KIF16B: variants seen among roughly 807,000 people sequenced by gnomAD.
KIF16B encodes kinesin-like protein KIF16B.
KIF16B carries 98 observed loss-of-function variants against 156.3 expected under a neutral mutation model. That is an observed-to-expected ratio of 0.63 (90% CI 0.53 to 0.74). The LOEUF (loss-of-function observed/expected upper bound fraction) is 0.74, where lower values mean the gene tolerates loss of function less well. KIF16B is among the 30% of genes least tolerant of loss of function. KIF16B has a pLI of 0.00. For missense variants in KIF16B, 1,421 were observed against 1,606.5 expected, an observed-to-expected ratio of 0.88 and a Z score of 1.97; for synonymous variants, 564 against 583.7, an observed-to-expected ratio of 0.97 and a Z score of 0.49.
At chr20:16,495,751 G>A (rs577238297) in intron 11 of KIF16B, among the ~76,000 whole-genome samples, 29 of 152,168 alleles carry the variant, frequency 1.9e-4, no homozygotes, top group Non-Finnish European at 2.8e-4. Context: ...GTGCGGTGGC[G>A]TAATCACGGC....
At chr20:16,486,838 C>T (rs1284737385) in intron 12 of KIF16B, among the ~76,000 whole-genome samples, 1 of 152,102 alleles carries the variant, frequency 6.6e-6, no homozygotes, top group Non-Finnish European at 1.5e-5. Context: ...AGCTGGTAAC[C>T]CATGGCTGAA....
At chr20:16,318,502 T>A (rs1452936350) in intron 24 of KIF16B, among the ~76,000 whole-genome samples, 5 of 152,134 alleles carry the variant, frequency 3.3e-5, no homozygotes, top group Non-Finnish European at 7.3e-5. Context: ...TGAAGCAACC[T>A]ATGGCGCCAG....
In KIF16B at chr20:16,565,748, A is replaced by G. The variant is rs918756696; in HGVS notation, c.47+7481T>C. 2.0e-5 allele frequency among the ~76,000 whole-genome samples: 3 copies of G among 152,088 alleles called. No individual in the cohort carries two copies. The East Asian group carries it at 5.8e-4, about 29-fold the overall frequency. On this transcript the variant is annotated intron_variant, in intron 1 of 25. Coordinates refer to ENST00000354981, the MANE Select transcript of KIF16B (RefSeq NM_024704.5). Reference sequence around the variant, plus strand: ...TCTACTGCCCGGAGTTCCCACCAGCACCCCGAAACAAATCAACAGACCAAC... The same window carrying G: ...TCTACTGCCCGGAGTTCCCACCAGCGCCCCGAAACAAATCAACAGACCAAC...
intron 12 of KIF16B, among the ~76,000 whole-genome samples, chr20:16,464,700 T>G (rs1446580824): frequency 1.3e-5 from 2 of 152,146 alleles, no homozygotes; most frequent in African/African-American, 4.8e-5. Context: ...AGGCATATAC[T>G]CCAAGTTCCA....
At chr20:16,418,706 T>C (rs6135750) in intron 15 of KIF16B, among the ~76,000 whole-genome samples, 10,335 of 152,222 alleles carry the variant, frequency 0.068, 610 homozygotes, top group East Asian at 0.32. Flanking sequence ...ATGCTAACCC[T>C]GCCAGTTTTT....
At chr20:16,381,625 T>A in intron 18 of KIF16B, 69 bp downstream of exon 18, 1 of 1,162,092 alleles carries the variant, frequency 8.6e-7, no homozygotes, top group South Asian at 1.4e-5. Flanking sequence ...ACAGATGGAA[T>A]CAGTCCAGGA....
At chr20:16,429,103 G>T (rs995124191) in intron 13 of KIF16B, 99 bp from the exon 14 acceptor site, 1 of 971,048 alleles carries the variant, frequency 1.0e-6, no homozygotes, top group Non-Finnish European at 1.7e-6. Flanking sequence ...TGGCCAATGG[G>T]ATGAACAACA....
chr20:16,354,953 A>G (rs1470034186), intron 23 of KIF16B, among the ~76,000 whole-genome samples: 2 of 152,092 alleles, frequency 1.3e-5, no homozygotes, highest in East Asian at 3.8e-4. Context: ...CTCAAAAAAA[A>G]AAGAGTAACA....
chr20:16,559,390 G>A (rs12106039), intron 1 of KIF16B, among the ~76,000 whole-genome samples: 46,151 of 152,018 alleles, frequency 0.3, 7,298 homozygotes, highest in East Asian at 0.43. Context: ...CCTAAATATG[G>A]TTATCAGCAT....
intron 1 of KIF16B, among the ~76,000 whole-genome samples, chr20:16,569,419 A>G (rs981236548): frequency 6.6e-6 from 1 of 152,222 alleles, no homozygotes; most frequent in Non-Finnish European, 1.5e-5. Flanking sequence ...CATTTTGCCT[A>G]CGTAACAGAA....
chr20:16,429,837 G>T (rs774720372), intron 13 of KIF16B, 26 bp downstream of exon 13: 6 of 1,590,702 alleles, frequency 3.8e-6, no homozygotes, highest in Non-Finnish European at 5.1e-6. Context: ...AACAAAATTA[G>T]AATGTTCCAC....
chr20:16,296,482 A>C (rs959895994), intron 25 of KIF16B, among the ~76,000 whole-genome samples: 2 of 152,208 alleles, frequency 1.3e-5, no homozygotes, highest in Admixed American at 6.5e-5. Flanking sequence ...ACACAGCTCT[A>C]AGTCTGCCAT....
At chr20:16,371,606 A>AAAAT in intron 21 of KIF16B, 59 bp downstream of exon 21, 3 of 1,052,988 alleles carry the variant, frequency 2.8e-6, no homozygotes, top group Non-Finnish European at 4.3e-6. Flanking sequence ...AAAAAAAAAA[A>AAAAT]GGAAAAAAGA....
chr20:16,516,487 C>T (rs964025527), intron 3 of KIF16B, among the ~76,000 whole-genome samples: 2 of 152,230 alleles, frequency 1.3e-5, no homozygotes, highest in Non-Finnish European at 2.9e-5. Flanking sequence ...TCCTCTCAGC[C>T]CAGCACACTA....
intron 25 of KIF16B, among the ~76,000 whole-genome samples, chr20:16,283,051 GGT>G (rs2063170126): frequency 6.6e-6 from 1 of 152,154 alleles, no homozygotes. Flanking sequence ...CAGCAAGTTT[GGT>G]GTGCCGACAC....
chr20:16,555,186 T>C (rs2070803348), intron 1 of KIF16B, among the ~76,000 whole-genome samples: 1 of 151,484 alleles, frequency 6.6e-6, no homozygotes, highest in Non-Finnish European at 1.5e-5. Context: ...CAAGACAAAA[T>C]TGTAATGTTG....
At position 16,379,423 on chromosome 20, in the gene KIF16B, ATC is replaced by A; in HGVS notation, c.2577_2578del (p.Glu859AspfsTer8). 2 of 1,612,980 alleles carry A rather than the reference ATC, an allele frequency of 1.2e-6. No individual in the cohort carries two copies. The highest frequency in any genetic ancestry group is 1.7e-6 in the Non-Finnish European group (2 of 1,179,766). ...ATGTTCACATTTTAAACACTCTAGG[ATC>A]TCCTGTTCTTCTTGGACTTCTTTTT... On this transcript the variant is annotated frameshift_variant, in exon 19 of 26. Transcript: ENST00000354981. LOFTEE classifies it high-confidence loss of function.
chr20:16,287,826 G>T (rs867013168), intron 25 of KIF16B, among the ~76,000 whole-genome samples: 13 of 152,316 alleles, frequency 8.5e-5, no homozygotes, highest in Middle Eastern at 6.8e-3. Context: ...AAACCATGGG[G>T]TGGAGGCGGG....
chr20:16,430,293 C>A (rs111858334), intron 12 of KIF16B, among the ~76,000 whole-genome samples: 2,784 of 152,236 alleles, frequency 0.018, 89 homozygotes, highest in African/African-American at 0.063. Context: ...CTCTTCAGAG[C>A]CTTTATGCCA....
Sources: gnomAD v4.1 joint callset for allele counts (sites outside exome capture counted in the v4.1 genomes callset) on GRCh38, gnomAD v4.1.1 for gene constraint, MANE v1.5 for transcripts, NCBI Gene and HGNC (gene_info 2026-07-23, HGNC 2026-07-21) for gene names.